CCDC73: variants seen among roughly 807,000 people sequenced by gnomAD.
CCDC73 encodes the protein coiled-coil domain-containing protein 73.
Under a neutral mutation model 116.5 loss-of-function variants are expected in CCDC73, and 95 were observed. The ratio of observed to expected loss-of-function variants is 0.82; its 90% CI spans 0.69 to 0.97. The LOEUF (loss-of-function observed/expected upper bound fraction) is 0.97, where lower values mean the gene tolerates loss of function less well. Ranked by LOEUF, CCDC73 falls within the 50% of genes least tolerant of loss-of-function variation. CCDC73 has a pLI of 0.00. For synonymous variants in CCDC73, 398 were observed against 401.3 expected (o/e 0.99, Z 0.10); for missense variants, 1,066 against 1,206.8 (o/e 0.88, Z 1.73).
the CCDC73 span, among the ~76,000 whole-genome samples, chr11:32,825,124 C>A: frequency 6.6e-6 from 1 of 152,064 alleles, no homozygotes; most frequent in Non-Finnish European, 1.5e-5. Flanking sequence ...GTTTACACTT[C>A]ATTCAAGAGT....
Position 32,602,882 on chromosome 11 carries a change from A to AACTT in CCDC73, c.3165_3168dup (p.Leu1057LysfsTer5), listed in dbSNP as rs746316423. 1 of 1,611,824 alleles carries AACTT rather than the reference A, an allele frequency of 6.2e-7. No homozygotes were observed. The highest frequency in any genetic ancestry group is 1.3e-5 in the African/African-American group (1 of 74,704). ...TTCTTTGGCTGGTTGTCATTTTCTA[A>AACTT]ACTTAGTAAATTTTCACTTTTATTT... On this transcript the variant is annotated frameshift_variant, in exon 18 of 18. Transcript: ENST00000335185. LOFTEE classifies it high-confidence loss of function.
intron 12 of CCDC73, among the ~76,000 whole-genome samples, chr11:32,652,775 C>T (rs530692519): frequency 3.3e-5 from 5 of 152,122 alleles, no homozygotes; most frequent in Non-Finnish European, 7.3e-5. Context: ...CTCTCTTAAA[C>T]TGAGTTGACA....
intron 2 of CCDC73, among the ~76,000 whole-genome samples, chr11:32,719,064 A>G (rs189011509): frequency 4.9e-4 from 75 of 152,338 alleles, no homozygotes; most frequent in African/African-American, 1.8e-3. Context: ...GGAGAGCTGC[A>G]AAGACAGAGT....
At chr11:32,665,470 C>T (rs865893806) in intron 9 of CCDC73, among the ~76,000 whole-genome samples, 8 of 152,052 alleles carry the variant, frequency 5.3e-5, no homozygotes, top group Non-Finnish European at 1.2e-4. Context: ...ATCAGAGACT[C>T]GGATTGCAAC....
chr11:32,816,396 T>A, the CCDC73 span, among the ~76,000 whole-genome samples: 1 of 152,228 alleles, frequency 6.6e-6, no homozygotes, highest in Non-Finnish European at 1.5e-5. Context: ...TCTTTTAACA[T>A]ATAACTGTTC....
the CCDC73 span, among the ~76,000 whole-genome samples, chr11:32,821,352 GACA>G: frequency 6.6e-6 from 1 of 152,062 alleles, no homozygotes; most frequent in Non-Finnish European, 1.5e-5. Context: ...ATCAACTTAA[GACA>G]ACAAAATTTC....
intron 17 of CCDC73, chr11:32,605,160 CTT>C (rs548347158): frequency 4.4e-4 from 55 of 125,620 alleles, no homozygotes; most frequent in Admixed American, 4.0e-4. Context: ...CCTAGTAATA[CTT>C]TTTTTTTTTT....
chr11:32,664,171 G>C (rs934481367), intron 9 of CCDC73, among the ~76,000 whole-genome samples: 5 of 152,140 alleles, frequency 3.3e-5, no homozygotes, highest in African/African-American at 4.8e-5. Flanking sequence ...CCAGGCTTTG[G>C]TATCAGGATG....
At chr11:32,631,603 A>C in intron 14 of CCDC73, among the ~76,000 whole-genome samples, 1 of 115,870 alleles carries the variant, frequency 8.6e-6, no homozygotes, top group Non-Finnish European at 2.0e-5. Flanking sequence ...GAAAGGAAGG[A>C]AAGGAAGGGA....
chr11:32,745,262 C>A (rs1251569611), intron 2 of CCDC73, among the ~76,000 whole-genome samples: 1 of 152,134 alleles, frequency 6.6e-6, no homozygotes. Context: ...GCCCTGTGGT[C>A]TGAGAGACAG....
Position 32,700,798 on chromosome 11 carries a change from T to C in CCDC73, c.308A>G (p.Glu103Gly). 3 of 1,425,660 alleles carry C rather than the reference T, an allele frequency of 2.1e-6. No homozygotes were observed. Among genetic ancestry groups the C allele is most frequent in the South Asian group, 1.4e-5 (1 of 73,104 alleles). The allele number at this position is 1,425,660 out of a possible 1,614,324, so 88.3% of individuals were successfully genotyped here. ...QLQMKMCALE[E>G]EKGKYQLATE... ...TAAAAAAATTATAAATACCTTTTCT[T>C]CTTCCAGGGCACACATCTTCATCTG... is the stretch of plus-strand genomic sequence containing the variant. Residue 103 changes from glutamate to glycine, a missense_variant, in exon 5 of 18, where the codon GAA (glutamate) becomes GGA (glycine). By Grantham distance (98) the Glu-to-Gly change is moderately conservative. Transcript: ENST00000335185.
intron 3 of CCDC73, among the ~76,000 whole-genome samples, chr11:32,716,111 T>C (rs1018841375): frequency 2.6e-5 from 4 of 152,162 alleles, no homozygotes; most frequent in Non-Finnish European, 4.4e-5. Context: ...TCAATAAACA[T>C]ACCTGCTTTA....
rs1856251381 is a variant in CCDC73, at chr11:32,690,901, C to T, written c.391-7327G>A. On this transcript the variant is annotated intron_variant, in intron 6 of 17. Transcript: ENST00000335185. ...AAAGTTCACAGCTTACATTGGAATT[C>T]ACTCTTGGTATTGTACATTCTATGG... 2.6e-5 allele frequency among the ~76,000 whole-genome samples: 4 copies of T among 152,188 alleles called. No individual in the cohort carries two copies. In the South Asian group the frequency reaches 8.3e-4, roughly 31 times the overall value.
chr11:32,671,405 A>G (rs1004573012), intron 9 of CCDC73, among the ~76,000 whole-genome samples: 70 of 107,644 alleles, frequency 6.5e-4, no homozygotes, highest in African/African-American at 1.8e-3. Context: ...CTCCAAAAAA[A>G]AAAAAAAAAA....
intron 10 of CCDC73, among the ~76,000 whole-genome samples, chr11:32,654,596 C>T (rs547305509): frequency 2.0e-5 from 3 of 152,300 alleles, no homozygotes; most frequent in African/African-American, 7.2e-5. Flanking sequence ...ATCTCCAAAG[C>T]TGTCCTGGAG....
At chr11:32,809,895 G>A in the CCDC73 span, among the ~76,000 whole-genome samples, 4 of 152,122 alleles carry the variant, frequency 2.6e-5, no homozygotes, top group African/African-American at 7.2e-5. Flanking sequence ...AGCATGCATC[G>A]TAGGTACAAG....
At chr11:32,827,066 G>C in the CCDC73 span, among the ~76,000 whole-genome samples, 3 of 151,968 alleles carry the variant, frequency 2.0e-5, no homozygotes, top group African/African-American at 4.8e-5. Context: ...GGGTTTCACT[G>C]TGTTGGCCAG....
chr11:32,661,408 T>G (rs1855924406), intron 9 of CCDC73, among the ~76,000 whole-genome samples: 2 of 151,562 alleles, frequency 1.3e-5, no homozygotes, highest in East Asian at 2.0e-4. Context: ...CCATTAACTC[T>G]TCATTTACAT....
the CCDC73 span, among the ~76,000 whole-genome samples, chr11:32,812,265 C>T: frequency 2.0e-5 from 3 of 152,148 alleles, no homozygotes; most frequent in Non-Finnish European, 4.4e-5. Flanking sequence ...CGGTGGCTCA[C>T]GCCTAGCACT....
Sources: gnomAD v4.1 joint callset for allele counts (sites outside exome capture counted in the v4.1 genomes callset) on GRCh38, gnomAD v4.1.1 for gene constraint, MANE v1.5 for transcripts, NCBI Gene and HGNC (gene_info 2026-07-23, HGNC 2026-07-21) for gene names.